ZNF880: variants seen among roughly 807,000 people sequenced by gnomAD.
ZNF880 encodes zinc finger protein 880.
A neutral mutation model predicts 11.8 loss-of-function variants in ZNF880; 12 were observed. The observed-to-expected ratio is 1.02, with a 90% confidence interval of 0.65 to 1.65. The LOEUF (loss-of-function observed/expected upper bound fraction) is 1.65, where lower values mean the gene tolerates loss of function less well. ZNF880 is among the 40% of genes most tolerant of loss of function. ZNF880 has a pLI of 0.00. For missense variants in ZNF880, 601 were observed against 673.9 expected (o/e 0.89, Z 1.20); for synonymous variants, 210 against 232.4 (o/e 0.90, Z 0.88).
the ZNF880 span, among the ~76,000 whole-genome samples, chr19:52,394,070 A>T: frequency 4.8e-4 from 73 of 151,674 alleles, no homozygotes; most frequent in East Asian, 3.5e-3. Flanking sequence ...CGATCTCCTG[A>T]CCTCGTAGTC....
chr19:52,384,124 A>G lies in ZNF880; in HGVS notation c.544A>G (p.Lys182Glu). The G allele has an allele frequency of 1.2e-6, 2 of 1,601,616 alleles. No individual in the cohort carries two copies. ...PQEQKAQIRE[K>E]PCECNEHGKA... is the part of the protein sequence containing the mutation. ...AGAACAAAAAGCACAAATAAGGGAA[A>G]AACCGTGTGAATGTAATGAGCATGG... is the stretch of plus-strand genomic sequence containing the variant. Residue 182 changes from lysine to glutamate, a missense_variant, in exon 4 of 4, where the codon AAA (lysine) becomes GAA (glutamate). By Grantham distance (56) the Lys-to-Glu change is moderately conservative. This residue lies in a region of ZNF880 where 420 missense variants were observed against 442.6 expected (regional missense o/e 0.95). Coordinates refer to ENST00000422689, the MANE Select transcript of ZNF880 (RefSeq NM_001145434.2).
Position 52,384,871 on chromosome 19 carries a change from A to G in ZNF880, c.1291A>G (p.Thr431Ala), listed in dbSNP as rs1272454825. ...SGLTAHLLIHTGEKPYKCKEC... is the reference protein window; with the variant it reads ...SGLTAHLLIHAGEKPYKCKEC... ...CCTTACTGCCCATCTACTAATTCACACTGGAGAGAAACCTTACAAATGTAA... is the reference window on the plus strand; with the variant it reads ...CCTTACTGCCCATCTACTAATTCACGCTGGAGAGAAACCTTACAAATGTAA... Residue 431 changes from threonine to alanine, a missense_variant, in exon 4 of 4, where the codon ACT becomes GCT. Thr to Ala is a moderately conservative substitution (Grantham distance 58). Around this residue, in one of 3 missense-constraint regions of ZNF880, gnomAD observed 177 missense variants for 214.5 expected, o/e 0.83. Transcript: ENST00000422689. The G allele has an allele frequency of 6.4e-7, 1 of 1,563,878 alleles. No homozygotes were observed. The highest frequency in any genetic ancestry group is 1.5e-5 in the African/African-American group (1 of 68,202).
At chr19:52,390,445 CT>C, downstream of ZNF880, 1 of 292,354 alleles carries the variant, frequency 3.4e-6, no homozygotes, top group Non-Finnish European at 7.1e-6. Context: ...CTCCCCAGGC[CT>C]CCCCTTCTCC....
downstream of ZNF880, among the ~76,000 whole-genome samples, chr19:52,388,386 G>A (rs1389062557): frequency 1.4e-5 from 2 of 140,842 alleles, no homozygotes; most frequent in East Asian, 2.1e-4. Flanking sequence ...GGGTTCAAAC[G>A]GCTGCCTCAG....
chr19:52,395,980 G>A, the ZNF880 span, among the ~76,000 whole-genome samples: 1 of 152,138 alleles, frequency 6.6e-6, no homozygotes, highest in Non-Finnish European at 1.5e-5. Context: ...TTTTGAGACG[G>A]AGTCTCGCTC....
rs1986867534 is a variant in ZNF880 at position 52,385,744 on chromosome 19, T to A, written c.*430T>A. The A allele has an allele frequency of 6.5e-6, 1 of 154,426 alleles. No individual in the cohort carries two copies. The highest frequency in any genetic ancestry group is 2.7e-5 in the African/African-American group (1 of 37,566). The allele number at this position is 154,426 out of a possible 1,614,324, so 9.6% of individuals were successfully genotyped here. ...AAGGTCCAAGGGCATGTGGAAATGG[T>A]CAGTTATATTCAGGCAATTAAAAAA... is the stretch of plus-strand genomic sequence containing the variant. On this transcript the variant is annotated 3_prime_UTR_variant, in exon 4 of 4. Transcript: ENST00000422689.
At chr19:52,367,122 T>TTA (rs1986143333), upstream of ZNF880, 1 of 207,806 alleles carries the variant, frequency 4.8e-6, no homozygotes, top group South Asian at 1.7e-4. Context: ...AGTTTTTTTT[T>TTA]AGTTTTTTCT....
chr19:52,383,576 T>C (rs1439968651), intron 3 of ZNF880, among the ~76,000 whole-genome samples: 1 of 152,220 alleles, frequency 6.6e-6, no homozygotes, highest in East Asian at 1.9e-4. Context: ...GGCTCATCCC[T>C]GCTTTTTCTC....
Position 52,374,305 on chromosome 19 carries a change from G to C in ZNF880, c.146G>C (p.Cys49Ser). 1 of 1,611,966 alleles carries C rather than the reference G, an allele frequency of 6.2e-7. No individual in the cohort carries two copies. The highest frequency in any genetic ancestry group is 8.5e-7 in the Non-Finnish European group (1 of 1,179,408). Reference sequence around the variant, plus strand: ...TCTTTCTTTTTTTAAATAGGAATCTGTCTTCCTGACCTGAGTGTTATCTCC... The same window carrying C: ...TCTTTCTTTTTTTAAATAGGAATCTCTCTTCCTGACCTGAGTGTTATCTCC... Reference protein sequence around the residue: ...NYRNLVFLGICLPDLSVISML... With the variant: ...NYRNLVFLGISLPDLSVISML... Residue 49 changes from cysteine (C) to serine (S), a missense_variant, in exon 3 of 4, where the codon TGT becomes TCT. This residue lies in a region of ZNF880 where 420 missense variants were observed against 442.6 expected (regional missense o/e 0.95). Transcript: ENST00000422689.
chr19:52,370,233 C>T, intron 1 of ZNF880: 1 of 550,294 alleles, frequency 1.8e-6, no homozygotes, highest in Non-Finnish European at 3.3e-6. Flanking sequence ...TGCTTCAAAT[C>T]CTTCAGTGAC....
chr19:52,385,921 T>G (rs1444080709), downstream of ZNF880: 2 of 144,722 alleles, frequency 1.4e-5, 1 homozygote, highest in Non-Finnish European at 3.0e-5. Flanking sequence ...CCGCCTGTAA[T>G]CTCAGTACTT....
chr19:52,382,244 T>C (rs1986727059), intron 3 of ZNF880, among the ~76,000 whole-genome samples: 1 of 152,050 alleles, frequency 6.6e-6, no homozygotes, highest in African/African-American at 2.4e-5. Flanking sequence ...GCCACTGCAC[T>C]CTAGCCTGGG....
At chr19:52,386,296 T>C (rs1986886818), downstream of ZNF880, among the ~76,000 whole-genome samples, 1 of 143,572 alleles carries the variant, frequency 7.0e-6, no homozygotes, top group Non-Finnish European at 1.5e-5. Context: ...TATTGTCTGA[T>C]TTAGAGAGCA....
At chr19:52,369,903 C>A (rs950312725), upstream of ZNF880, 25 of 1,550,338 alleles carry the variant, frequency 1.6e-5, no homozygotes, top group East Asian at 5.4e-4. Flanking sequence ...GGCCTCGCCT[C>A]GCCTCTCAGC....
intron 2 of ZNF880, 146 bp downstream of exon 2, chr19:52,373,383 C>G: frequency 1.4e-6 from 1 of 723,058 alleles, no homozygotes; most frequent in Non-Finnish European, 2.2e-6. Context: ...CTCCATAATG[C>G]TTTATAATGC....
chr19:52,370,145 A>T, intron 1 of ZNF880, 168 bp downstream of exon 1: 1 of 863,174 alleles, frequency 1.2e-6, no homozygotes, highest in Middle Eastern at 2.7e-4. Flanking sequence ...CCTGAGTGTT[A>T]AAATCGCTCG....
intron 3 of ZNF880, among the ~76,000 whole-genome samples, chr19:52,378,367 C>T (rs769612614): frequency 8.6e-5 from 13 of 152,040 alleles, no homozygotes; most frequent in Non-Finnish European, 1.5e-4. Context: ...TCCTTTAGGC[C>T]GGGGCGGTGT....
intron 1 of ZNF880, among the ~76,000 whole-genome samples, chr19:52,372,909 C>CAAAAA (rs201869014): frequency 3.6e-4 from 25 of 69,918 alleles, no homozygotes; most frequent in East Asian, 9.2e-4. Flanking sequence ...GACTCCGTCT[C>CAAAAA]AAAAAAAAAA....
chr19:52,383,028 C>T (rs1429385053), intron 3 of ZNF880, among the ~76,000 whole-genome samples: 1 of 152,038 alleles, frequency 6.6e-6, no homozygotes, highest in Admixed American at 6.6e-5. Context: ...TTTCAATTTG[C>T]TCATTGTTTT....
Sources: allele counts gnomAD v4.1 joint callset (sites outside exome capture counted in the v4.1 genomes callset), GRCh38; gene constraint gnomAD v4.1.1; regional missense constraint gnomAD v4.1.1; transcripts MANE v1.5; gene names NCBI Gene and HGNC (gene_info 2026-07-23, HGNC 2026-07-21).